The following SLC25A46 variants were observed in gnomAD, a reference collection of about 807,000 sequenced individuals.
SLC25A46 encodes mitochondrial outer membrane protein SLC25A46.
In SLC25A46, 39 loss-of-function variants were observed where a neutral mutation model predicts 44.6. The ratio of observed to expected loss-of-function variants is 0.87; its 90% CI spans 0.68 to 1.14. SLC25A46 has a LOEUF of 1.14. Ranked by LOEUF, SLC25A46 falls within the 50% of genes most tolerant of loss-of-function variation. The pLI is 0.00. For missense variants in SLC25A46, 547 were observed against 522.7 expected, an observed-to-expected ratio of 1.05 and a Z score of -0.45; for synonymous variants, 202 against 185.8, an observed-to-expected ratio of 1.09 and a Z score of -0.71.
At chr5:110,759,353 C>G (rs13186020) in intron 7 of SLC25A46, among the ~76,000 whole-genome samples, 3 of 152,054 alleles carry the variant, frequency 2.0e-5, no homozygotes, top group Non-Finnish European at 4.4e-5. Flanking sequence ...GGAGAATATT[C>G]TAAGTAGAGG....
At chr5:110,755,665 A>G (rs894762758) in intron 6 of SLC25A46, 144 bp downstream of exon 6, 7 of 474,038 alleles carry the variant, frequency 1.5e-5, no homozygotes, top group Non-Finnish European at 2.6e-5. Flanking sequence ...CAAAGGACAA[A>G]GTAACACAGA....
Position 110,739,354 on chromosome 5 carries a change from G to C in SLC25A46, c.235G>C (p.Glu79Gln), listed in dbSNP as rs200566665. ...CACCCCGTACGAAGGCCCCACGGAG[G>C]AACCCTTTTCCAGTGGCGGCGGCGG... ...TSTPYEGPTE[E>Q]PFSSGGGGSV... Residue 79 changes from glutamate to glutamine, a missense_variant, in exon 1 of 8, where the codon GAA (glutamate) becomes CAA (glutamine). Coordinates refer to ENST00000355943, the MANE Select transcript of SLC25A46 (RefSeq NM_138773.4). 2 of 1,561,874 alleles carry C rather than the reference G, an allele frequency of 1.3e-6. No individual in the cohort carries two copies. The highest frequency in any genetic ancestry group is 2.7e-5 in the African/African-American group (2 of 73,912).
intron 7 of SLC25A46, among the ~76,000 whole-genome samples, chr5:110,759,994 G>A (rs1800208638): frequency 6.6e-6 from 1 of 152,156 alleles, no homozygotes; most frequent in Admixed American, 6.6e-5. Context: ...TTGAGACATC[G>A]TAAGTTGGAA....
At chr5:110,751,556 A>T (rs2150413086) in intron 5 of SLC25A46, among the ~76,000 whole-genome samples, 1 of 152,270 alleles carries the variant, frequency 6.6e-6, no homozygotes, top group East Asian at 1.9e-4. Context: ...AGGCCATTTT[A>T]AGAATATTGA....
At chr5:110,757,265 T>C (rs1800140513) in intron 7 of SLC25A46, among the ~76,000 whole-genome samples, 1 of 152,104 alleles carries the variant, frequency 6.6e-6, no homozygotes. Flanking sequence ...CTGAAGCAAT[T>C]TTCTGCTAGC....
At position 110,739,008 on chromosome 5, in the gene SLC25A46, G is replaced by T; in HGVS notation, c.-112G>T. 1.4e-6 allele frequency: 2 copies of T among 1,476,632 alleles called. No individual in the cohort carries two copies. The allele number at this position is 1,476,632 out of a possible 1,614,324, so 91.5% of individuals were successfully genotyped here. On this transcript the variant is annotated 5_prime_UTR_variant, in exon 1 of 8. Transcript: ENST00000355943. ...TTTCCAACGTGACTTCCGGTTGTCA[G>T]AATTTACCCCTGACGCGGCGGCGGC...
rs188555391 is a variant in SLC25A46, at chr5:110,761,246, A to C, written c.721A>C (p.Lys241Gln). 1 of 1,612,732 alleles carries C rather than the reference A, an allele frequency of 6.2e-7. No individual in the cohort carries two copies. Among genetic ancestry groups the C allele is most frequent in the Admixed American group, 1.7e-5 (1 of 59,776 alleles). The change falls in exon 8 of 8, where the codon AAA (lysine) becomes CAA (glutamine). Residue 241 changes from lysine to glutamine, a missense_variant. Lys to Gln is a moderately conservative substitution (Grantham distance 53, BLOSUM62 1). Coordinates refer to ENST00000355943, the MANE Select transcript of SLC25A46 (RefSeq NM_138773.4). The surrounding 1 kb of genome is among the most constrained non-coding windows in gnomAD (Gnocchi z 5.3). ...RDNTGILECV[K>Q]EGIGRVIGMG... ...TAATACTGGCATTTTGGAGTGTGTT[A>C]AAGAAGGAATTGGAAGAGTGATAGG...
intron 5 of SLC25A46, among the ~76,000 whole-genome samples, chr5:110,751,135 C>T (rs1799959829): frequency 6.6e-6 from 1 of 152,146 alleles, no homozygotes; most frequent in South Asian, 2.1e-4. Context: ...ACTTGGCTAA[C>T]ATTTCCTGAG....
chr5:110,740,043 C>G (rs1415740996), intron 1 of SLC25A46, among the ~76,000 whole-genome samples: 1 of 152,148 alleles, frequency 6.6e-6, no homozygotes, highest in Non-Finnish European at 1.5e-5. Context: ...TGCTTTCCTT[C>G]TGCTGACCTA....
rs1252527862 is a variant in SLC25A46, at chr5:110,739,488, A to ATCCCGCCTC, written c.283+87_283+95dup. The ATCCCGCCTC allele has an allele frequency of 6.8e-6, 10 of 1,468,740 alleles. No individual in the cohort carries two copies. In the Admixed American group the frequency reaches 2.8e-4, roughly 41 times the overall value. 91.0% of individuals were successfully genotyped at this position (1,468,740 alleles called of 1,614,324 possible). A position where few individuals can be genotyped will look rare whatever the true frequency, so the allele number is the denominator to read the frequency against. ...GCAGACCCCGGAAGCGGCGCAGAGG[A>ATCCCGCCTC]TCCCGCCTCCTATTCCTTCTCATCC... On this transcript the variant is annotated intron_variant, in intron 1 of 7. Coordinates refer to ENST00000355943, the MANE Select transcript of SLC25A46 (RefSeq NM_138773.4).
intron 7 of SLC25A46, among the ~76,000 whole-genome samples, chr5:110,759,333 T>G (rs1800188583): frequency 6.6e-6 from 1 of 152,172 alleles, no homozygotes; most frequent in Non-Finnish European, 1.5e-5. Flanking sequence ...AAGATCAACA[T>G]GCATATTTGG....
intron 1 of SLC25A46, 76 bp from the exon 2 acceptor site, chr5:110,741,971 T>G (rs1799703069): frequency 9.7e-7 from 1 of 1,032,422 alleles, no homozygotes; most frequent in East Asian, 2.7e-5. Flanking sequence ...TAAAATTGTT[T>G]TGAGACTAAA....
intron 5 of SLC25A46, chr5:110,753,578 T>C (rs1800026524): frequency 6.6e-6 from 1 of 152,146 alleles, no homozygotes; most frequent in African/African-American, 2.4e-5. Context: ...TAATGAATTA[T>C]AAAAAGGTTT....
chr5:110,746,301 T>C lies in SLC25A46; in HGVS notation c.417T>C (p.Thr139=). 1 of 1,591,390 alleles carries C rather than the reference T, an allele frequency of 6.3e-7. No homozygotes were observed. Among genetic ancestry groups the C allele is most frequent in the Non-Finnish European group, 8.5e-7 (1 of 1,172,496 alleles). ...VNYHAQHYHL[T]PFTVINIMYS... ...ACCATGCTCAGCATTACCATCTCACTCCATTTACAGTCATCAATATTATGT... is the reference window on the plus strand; with the variant it reads ...ACCATGCTCAGCATTACCATCTCACCCCATTTACAGTCATCAATATTATGT... The change falls in exon 4 of 8, where the codon ACT becomes ACC. Residue 139 remains threonine, a synonymous_variant. Transcript: ENST00000355943.
At chr5:110,760,031 T>C (rs1410866925) in intron 7 of SLC25A46, among the ~76,000 whole-genome samples, 1 of 152,110 alleles carries the variant, frequency 6.6e-6, no homozygotes, top group Non-Finnish European at 1.5e-5. Flanking sequence ...TTGTGTACCT[T>C]TTTCTGTAAT....
intron 6 of SLC25A46, 59 bp downstream of exon 6, chr5:110,755,580 A>G: frequency 9.5e-7 from 1 of 1,049,462 alleles, no homozygotes; most frequent in East Asian, 2.5e-5. Context: ...ATAGTATTAG[A>G]ACTGGAAACA....
In SLC25A46 at chr5:110,761,669, G is replaced by GTGTT. The variant is rs1800255312; in HGVS notation, c.1147_1150dup (p.Gly384ValfsTer5). The GTGTT allele has an allele frequency of 1.2e-6, 2 of 1,613,606 alleles. No homozygotes were observed. Among genetic ancestry groups the GTGTT allele is most frequent in the Non-Finnish European group, 1.7e-6 (2 of 1,179,700 alleles). On this transcript the variant is annotated frameshift_variant, in exon 8 of 8. Coordinates refer to ENST00000355943, the MANE Select transcript of SLC25A46 (RefSeq NM_138773.4). LOFTEE classifies it high-confidence loss of function. The surrounding 1 kb of genome is among the most constrained non-coding windows in gnomAD (Gnocchi z 5.3). ...CAATACCATAAGGCAGGAGGAAGGA[G>GTGTT]TGTTTGGTTTTTATAAAGGGTTTGG...
chr5:110,753,065 T>C (rs1800008300), intron 5 of SLC25A46, among the ~76,000 whole-genome samples: 1 of 152,150 alleles, frequency 6.6e-6, no homozygotes, highest in Admixed American at 6.6e-5. Context: ...GAGGCTCTGA[T>C]GGCTGCTGAA....
chr5:110,745,981 A>C, intron 3 of SLC25A46: 1 of 209,890 alleles, frequency 4.8e-6, no homozygotes, highest in Non-Finnish European at 9.4e-6. Context: ...GATGTAATTC[A>C]GTTGTTTAAG....
Sources: allele counts gnomAD v4.1 joint callset (sites outside exome capture counted in the v4.1 genomes callset), GRCh38; gene constraint gnomAD v4.1.1; non-coding constraint Gnocchi (gnomAD v3.1); transcripts MANE v1.5; gene names NCBI Gene and HGNC (gene_info 2026-07-23, HGNC 2026-07-21).